Variants in PDIA4 observed in about 807,000 individuals in gnomAD.
The protein encoded by PDIA4 is protein disulfide isomerase family A member 4.
PDIA4 carries 33 observed loss-of-function variants against 62.1 expected under a neutral mutation model. The ratio of observed to expected loss-of-function variants is 0.53; its 90% confidence interval spans 0.40 to 0.71. PDIA4 has a LOEUF of 0.71. Among genes scored for constraint, PDIA4 ranks in the 30% least tolerant of loss-of-function variants. PDIA4 has a pLI of 0.00. For missense variants in PDIA4, 804 were observed against 813.6 expected (o/e 0.99, Z 0.14); for synonymous variants, 341 against 324.1 (o/e 1.05, Z -0.56).
In PDIA4 at chr7:149,028,401, G is replaced by A. The variant is rs1273413097; in HGVS notation, c.8C>T (p.Pro3Leu). The A allele has an allele frequency of 1.3e-6, 2 of 1,516,004 alleles. No homozygotes were observed. Among genetic ancestry groups the A allele is most frequent in the East Asian group, 2.7e-5 (1 of 36,982 alleles). The allele number at this position is 1,516,004 out of a possible 1,614,324, so 93.9% of individuals were successfully genotyped here. MR[P>L]RKAFLLLLLL... ...CAGCAGGAGCAGGAAGGCTTTCCGG[G>A]GCCTCATGGTAGCGGGGGCGGAGCG... The change falls in exon 1 of 10, where the codon CCC becomes CTC. Residue 3 changes from proline to leucine, a missense_variant. Coordinates refer to ENST00000652332, the MANE Select transcript of PDIA4 (RefSeq NM_004911.5).
At chr7:149,009,089 C>T (rs1215201753) in intron 6 of PDIA4, among the ~76,000 whole-genome samples, 9 of 152,166 alleles carry the variant, frequency 5.9e-5, no homozygotes, top group Non-Finnish European at 1.0e-4. Context: ...TGCCATCATG[C>T]CTGGCTATGT....
chr7:149,021,092 A>G lies in PDIA4; in HGVS notation c.144T>C (p.Asp48=), dbSNP rs1295973161. The G allele has an allele frequency of 2.5e-6, 4 of 1,612,044 alleles. No individual in the cohort carries two copies. Among genetic ancestry groups the G allele is most frequent in the Admixed American group, 1.7e-5 (1 of 59,864 alleles). Residue 48 remains aspartate, a synonymous_variant, in exon 2 of 10, where the codon GAT becomes GAC. Coordinates refer to ENST00000652332, the MANE Select transcript of PDIA4 (RefSeq NM_004911.5). Reference sequence around the variant, plus strand: ...CCAAGTCGTCTTCTTCCTCATCATCATCTTCCTCCTCCTCCTCCTCTTCAT... The same window carrying G: ...CCAAGTCGTCTTCTTCCTCATCATCGTCTTCCTCCTCCTCCTCCTCTTCAT... ...IEDEEEEEEE[D]DDEEEDDLEV... is the part of the protein sequence containing the mutation.
At chr7:149,014,783 G>A in intron 4 of PDIA4, 121 bp downstream of exon 4, 1 of 858,036 alleles carries the variant, frequency 1.2e-6, no homozygotes, top group East Asian at 2.5e-5. Flanking sequence ...CCTCAATCCT[G>A]GCCTACAACT....
intron 3 of PDIA4, among the ~76,000 whole-genome samples, chr7:149,015,492 C>CAAAAAAAAAAAAAAA (rs34656815): frequency 9.6e-6 from 1 of 104,420 alleles, no homozygotes; most frequent in African/African-American, 3.6e-5. Flanking sequence ...AAGATGTATG[C>CAAAAAAAAAAAAAAA]AAAAAAAAAA....
At chr7:149,014,821 C>T in intron 4 of PDIA4, 83 bp downstream of exon 4, 1 of 1,369,324 alleles carries the variant, frequency 7.3e-7, no homozygotes, top group South Asian at 1.3e-5. Flanking sequence ...TCTGCTGTTC[C>T]TGCCTCACGG....
At position 149,005,234 on chromosome 7, in the gene PDIA4, C is replaced by A. The variant is rs774716231; in HGVS notation, c.1429G>T (p.Ala477Ser). 6.2e-7 allele frequency: 1 copy of A among 1,614,008 alleles called. No individual in the cohort carries two copies. Among genetic ancestry groups the A allele is most frequent in the African/African-American group, 1.3e-5 (1 of 74,922 alleles). ...LSESGEDVNA[A>S]ILDESGKKFA... ...TTCTTCCCACTCTCGTCCAGGATGG[C>A]GGCATTGACATCCTCCCCACTCTCG... The change falls in exon 9 of 10, where the codon GCC becomes TCC. Residue 477 changes from alanine to serine, a missense_variant. Coordinates refer to ENST00000652332, the MANE Select transcript of PDIA4 (RefSeq NM_004911.5).
At chr7:149,015,113 A>G (rs1457956123) in intron 3 of PDIA4, 71 bp from the exon 4 acceptor site, 3 of 1,500,878 alleles carry the variant, frequency 2.0e-6, no homozygotes, top group Non-Finnish European at 2.7e-6. Context: ...CTCCAGAAGC[A>G]GATGAGGAGG....
At chr7:149,004,301 TG>T in intron 9 of PDIA4, 92 bp from the exon 10 acceptor site, 2 of 1,252,300 alleles carry the variant, frequency 1.6e-6, no homozygotes, top group Non-Finnish European at 2.2e-6. Flanking sequence ...GAGGTTGGTG[TG>T]GCCACCAGAC....
intron 3 of PDIA4, among the ~76,000 whole-genome samples, chr7:149,016,588 G>A (rs974942111): frequency 1.3e-5 from 2 of 151,546 alleles, no homozygotes; most frequent in Non-Finnish European, 2.9e-5. Context: ...GCGCGATCTC[G>A]GCTCACTGCA....
At chr7:149,020,181 A>T (rs1401069213) in intron 2 of PDIA4, among the ~76,000 whole-genome samples, 3 of 152,130 alleles carry the variant, frequency 2.0e-5, no homozygotes, top group Non-Finnish European at 4.4e-5. Context: ...GGCTGGTCTC[A>T]AACTCCTGGT....
intron 3 of PDIA4, among the ~76,000 whole-genome samples, chr7:149,017,108 G>A (rs565121895): frequency 2.6e-5 from 4 of 151,992 alleles, no homozygotes; most frequent in East Asian, 1.9e-4. Context: ...CAAGGCGCTC[G>A]TCCAGAACAC....
rs1823637915 is a variant in PDIA4, at chr7:149,003,884, T to C, written c.1848A>G (p.Lys616=). 4 of 1,613,102 alleles carry C rather than the reference T, an allele frequency of 2.5e-6. No homozygotes were observed. Among genetic ancestry groups the C allele is most frequent in the Non-Finnish European group, 3.4e-6 (4 of 1,179,718 alleles). Residue 616 remains lysine (K), a synonymous_variant, in exon 10 of 10, where the codon AAA becomes AAG. Coordinates refer to ENST00000652332, the MANE Select transcript of PDIA4 (RefSeq NM_004911.5). ...CCAGATCTCTGTCTCCACCCTCAAA[T>C]TTAACTGGGTTCTTTTTGTCCCCAC... ...APSGDKKNPV[K]FEGGDRDLEH... is the part of the protein sequence containing the mutation.
chr7:149,013,325 C>A (rs975478921), intron 4 of PDIA4, among the ~76,000 whole-genome samples: 15 of 152,278 alleles, frequency 9.9e-5, no homozygotes, highest in African/African-American at 3.6e-4. Flanking sequence ...GATAAAACAC[C>A]ATCCTGTCAA....
intron 6 of PDIA4, among the ~76,000 whole-genome samples, chr7:149,008,829 A>C (rs1823847611): frequency 1.3e-5 from 2 of 152,012 alleles, no homozygotes; most frequent in South Asian, 4.2e-4. Context: ...GGTACAAGGT[A>C]TAACGTCTAA....
At position 149,012,361 on chromosome 7, in the gene PDIA4, C is replaced by T; in HGVS notation, c.615-1G>A. On this transcript the variant is annotated splice_acceptor_variant, in intron 4 of 9. Transcript: ENST00000652332. LOFTEE classifies it high-confidence loss of function. ...GGCAAGTTTCTTGCAGTGTCCACAC[C>T]TGCCAAGAGGAAACTGGTTTGTCAG... 1 of 1,612,416 alleles carries T rather than the reference C, an allele frequency of 6.2e-7. No individual in the cohort carries two copies. Among genetic ancestry groups the T allele is most frequent in the Non-Finnish European group, 8.5e-7 (1 of 1,179,538 alleles).
chr7:149,022,863 C>CA (rs1360246771), intron 1 of PDIA4, among the ~76,000 whole-genome samples: 1 of 152,180 alleles, frequency 6.6e-6, no homozygotes, highest in Admixed American at 6.5e-5. Flanking sequence ...GCAAACTTTA[C>CA]AAAAAAGCCA....
rs540574294 is a variant in PDIA4, at chr7:149,015,338, T to C, written c.476-296A>G. Among the ~76,000 whole-genome samples, 93 of 152,244 alleles carry C rather than the reference T, an allele frequency of 6.1e-4. No homozygotes were observed. The South Asian group carries it at 6.6e-3, about 11-fold the overall frequency. ...TTCCTTTACCATCAGGCTATGGTACTAACTCCACGCAAACCCTCACCAACT... is the reference window on the plus strand; with the variant it reads ...TTCCTTTACCATCAGGCTATGGTACCAACTCCACGCAAACCCTCACCAACT... On this transcript the variant is annotated intron_variant, in intron 3 of 9. Coordinates refer to ENST00000652332, the MANE Select transcript of PDIA4 (RefSeq NM_004911.5).
At chr7:149,011,740 T>C (rs972866029) in intron 6 of PDIA4, 106 bp downstream of exon 6, 64 of 933,718 alleles carry the variant, frequency 6.9e-5, no homozygotes, top group East Asian at 1.8e-4. Flanking sequence ...AGATGGCTCA[T>C]CAAACCACCC....
chr7:149,014,218 A>C (rs1585420125), intron 4 of PDIA4, among the ~76,000 whole-genome samples: 2 of 149,942 alleles, frequency 1.3e-5, no homozygotes. Context: ...GGTGCCACCC[A>C]CCCCCCGGCC....
Sources: gnomAD v4.1 joint callset for allele counts (sites outside exome capture counted in the v4.1 genomes callset) on GRCh38, gnomAD v4.1.1 for gene constraint, MANE v1.5 for transcripts, NCBI Gene and HGNC (gene_info 2026-07-23, HGNC 2026-07-21) for gene names.